RIMOC1: variants seen among roughly 807,000 people sequenced by gnomAD.
The protein encoded by RIMOC1 is RAB7A interacting MON1-CCZ1 complex subunit 1.
At chr5:41,916,806 T>C in the RIMOC1 span, among the ~76,000 whole-genome samples, 7 of 152,210 alleles carry the variant, frequency 4.6e-5, no homozygotes, top group Non-Finnish European at 7.3e-5. Context: ...TTTTTCTTTT[T>C]GTAATGGGCC....
chr5:41,917,616 G>T, the RIMOC1 span: 1 of 996,164 alleles, frequency 1.0e-6, no homozygotes, highest in South Asian at 4.6e-5. Context: ...TTTTTATTGT[G>T]GTATATGTAA....
the RIMOC1 span, chr5:41,907,672 G>GT: frequency 2.1e-6 from 2 of 944,556 alleles, no homozygotes; most frequent in Admixed American, 2.7e-5. Context: ...TACATAATGT[G>GT]TTTTTTGTTT....
the RIMOC1 span, among the ~76,000 whole-genome samples, chr5:41,913,547 G>T: frequency 1.3e-5 from 2 of 152,164 alleles, no homozygotes; most frequent in Non-Finnish European, 2.9e-5. Flanking sequence ...AGGTCATATA[G>T]CTGCAAGTAA....
the RIMOC1 span, chr5:41,916,396 G>A: frequency 2.2e-6 from 2 of 920,072 alleles, no homozygotes; most frequent in Non-Finnish European, 2.6e-6. Context: ...CCCATAAGAA[G>A]AAAGAGTTCA....
At chr5:41,911,309 C>A in the RIMOC1 span, 1 of 769,582 alleles carries the variant, frequency 1.3e-6, no homozygotes, top group Non-Finnish European at 1.9e-6. Context: ...TATTTACTAG[C>A]TGGGTAATCA....
the RIMOC1 span, among the ~76,000 whole-genome samples, chr5:41,909,123 G>A: frequency 1.3e-5 from 2 of 152,274 alleles, no homozygotes; most frequent in African/African-American, 4.8e-5. Context: ...TAAGTGATTA[G>A]TGGTAGAACT....
chr5:41,918,767 T>C, the RIMOC1 span: 3 of 984,704 alleles, frequency 3.0e-6, no homozygotes, highest in South Asian at 1.4e-4. Flanking sequence ...CCCTAGCATA[T>C]GGCTCTTTCT....
the RIMOC1 span, chr5:41,909,791 G>T: frequency 1.3e-6 from 2 of 1,582,664 alleles, no homozygotes; most frequent in Non-Finnish European, 1.7e-6. Context: ...GCTAGTAGAT[G>T]AAGATTTTCC....
chr5:41,912,522 T>C, the RIMOC1 span, among the ~76,000 whole-genome samples: 1 of 152,198 alleles, frequency 6.6e-6, no homozygotes, highest in Non-Finnish European at 1.5e-5. Flanking sequence ...GAGGTTTAAT[T>C]GACTCTCAGT....
chr5:41,914,842 C>A, the RIMOC1 span, among the ~76,000 whole-genome samples: 1 of 152,096 alleles, frequency 6.6e-6, no homozygotes, highest in Non-Finnish European at 1.5e-5. Flanking sequence ...GCCAGGAAAC[C>A]TACTTTTCAT....
chr5:41,913,605 A>G, the RIMOC1 span, among the ~76,000 whole-genome samples: 1 of 152,182 alleles, frequency 6.6e-6, no homozygotes, highest in Non-Finnish European at 1.5e-5. Flanking sequence ...TGAAGTTTTG[A>G]TGGGAAAAAA....
chr5:41,904,385 T>C, the RIMOC1 span: 5 of 1,613,832 alleles, frequency 3.1e-6, no homozygotes, highest in Non-Finnish European at 4.2e-6. Flanking sequence ...CCGCAGTCTC[T>C]AGTGTGGTGA....
the RIMOC1 span, chr5:41,920,226 T>C: frequency 1.3e-5 from 2 of 152,176 alleles, no homozygotes; most frequent in East Asian, 3.8e-4. Flanking sequence ...GTGCTTTTTA[T>C]ACAACTTTCC....
the RIMOC1 span, among the ~76,000 whole-genome samples, chr5:41,914,314 A>G: frequency 6.6e-6 from 1 of 152,106 alleles, no homozygotes; most frequent in Non-Finnish European, 1.5e-5. Context: ...AGTTTGCTAC[A>G]TACTGTCCTA....
the RIMOC1 span, chr5:41,907,622 A>G: frequency 1.6e-6 from 1 of 607,994 alleles, no homozygotes; most frequent in Non-Finnish European, 2.8e-6. Flanking sequence ...CTGTTTCTCC[A>G]TATGTCATAA....
the RIMOC1 span, among the ~76,000 whole-genome samples, chr5:41,909,540 T>C: frequency 6.6e-6 from 1 of 152,116 alleles, no homozygotes. Flanking sequence ...TTCAGCACTT[T>C]AGTGAAATAC....
At chr5:41,914,731 C>A in the RIMOC1 span, among the ~76,000 whole-genome samples, 1 of 152,054 alleles carries the variant, frequency 6.6e-6, no homozygotes. Flanking sequence ...GATCGCACAG[C>A]TGCACTCTAG....
At chr5:41,911,021 A>G in the RIMOC1 span, 2 of 1,596,986 alleles carry the variant, frequency 1.3e-6, no homozygotes, top group Non-Finnish European at 1.7e-6. Context: ...TTCCCTTTTT[A>G]GCTATGTCTT....
chr5:41,920,953 C>T, the RIMOC1 span: 1 of 152,470 alleles, frequency 6.6e-6, no homozygotes, highest in Non-Finnish European at 1.5e-5. Context: ...AAGGACTTTT[C>T]ACAGTCGTTA....
Sources: gnomAD v4.1 joint callset for allele counts (sites outside exome capture counted in the v4.1 genomes callset) on GRCh38, gnomAD v4.1.1 for gene constraint, MANE v1.5 for transcripts, NCBI Gene and HGNC (gene_info 2026-07-23, HGNC 2026-07-21) for gene names.